Variants in SMOC2 observed in about 807,000 individuals in gnomAD.
SMOC2 encodes SPARC-related modular calcium-binding protein 2.
A neutral mutation model predicts 61.4 loss-of-function variants in SMOC2; 39 were observed. That is an observed-to-expected ratio of 0.64 (90% CI 0.49 to 0.83). The LOEUF is 0.83. Among genes scored for constraint, SMOC2 ranks in the 40% least tolerant of loss-of-function variants. The pLI, the probability that SMOC2 is intolerant of heterozygous loss-of-function variation, is 0.00. For synonymous variants in SMOC2, 247 were observed against 239.9 expected (o/e 1.03, Z -0.27); for missense variants, 556 against 592.9 (o/e 0.94, Z 0.65).
chr6:168,598,049 A>G (rs1785374820), intron 7 of SMOC2, among the ~76,000 whole-genome samples: 1 of 152,278 alleles, frequency 6.6e-6, no homozygotes, highest in Non-Finnish European at 1.5e-5. Flanking sequence ...AGTGAGTGTC[A>G]GTATTCATGT....
At chr6:168,519,129 G>A (rs1562567216) in intron 2 of SMOC2, among the ~76,000 whole-genome samples, 1 of 149,196 alleles carries the variant, frequency 6.7e-6, no homozygotes, top group Non-Finnish European at 1.5e-5. Context: ...GCATGCATGT[G>A]TATGTGTGCA....
At chr6:168,617,889 G>A (rs1481100325) in intron 9 of SMOC2, among the ~76,000 whole-genome samples, 2 of 152,198 alleles carry the variant, frequency 1.3e-5, no homozygotes, top group Admixed American at 6.5e-5. Context: ...TTGGAGAGGC[G>A]GGGGTCGCGT....
intron 4 of SMOC2, 64 bp from the exon 5 acceptor site, chr6:168,543,561 A>C: frequency 7.1e-7 from 1 of 1,417,140 alleles, no homozygotes; most frequent in Non-Finnish European, 9.9e-7. Context: ...TGCATAACTT[A>C]ATTTGTGATG....
intron 1 of SMOC2, among the ~76,000 whole-genome samples, chr6:168,448,332 G>A (rs1317071905): frequency 1.3e-5 from 2 of 152,096 alleles, no homozygotes; most frequent in African/African-American, 2.4e-5. Flanking sequence ...ATGGCACTGG[G>A]GAGGAGGATG....
intron 11 of SMOC2, among the ~76,000 whole-genome samples, chr6:168,656,408 G>A (rs1318672616): frequency 6.6e-6 from 1 of 150,992 alleles, no homozygotes; most frequent in African/African-American, 2.4e-5. Context: ...CTACTCCAGA[G>A]GCTGAGGCAC....
intron 1 of SMOC2, among the ~76,000 whole-genome samples, chr6:168,503,063 G>A (rs1420270018): frequency 3.4e-5 from 4 of 119,230 alleles, no homozygotes; most frequent in African/African-American, 1.0e-4. Context: ...GCCGTGCCTG[G>A]CCTTTTTTTT....
At chr6:168,543,161 A>G (rs1041394505) in intron 4 of SMOC2, among the ~76,000 whole-genome samples, 1 of 152,222 alleles carries the variant, frequency 6.6e-6, no homozygotes, top group Non-Finnish European at 1.5e-5. Flanking sequence ...TAGATTTTCA[A>G]TACTCTACCA....
intron 2 of SMOC2, among the ~76,000 whole-genome samples, chr6:168,522,570 C>A (rs1313270349): frequency 1.3e-5 from 2 of 152,154 alleles, no homozygotes; most frequent in Non-Finnish European, 2.9e-5. Flanking sequence ...CAACATCACG[C>A]TAAATGAAGG....
intron 12 of SMOC2, chr6:168,664,662 G>T: frequency 2.1e-6 from 1 of 465,632 alleles, no homozygotes. Context: ...CTCCAAAAGG[G>T]GCTTTCGGCT....
chr6:168,648,899 C>T (rs1307895584), intron 9 of SMOC2, among the ~76,000 whole-genome samples: 2 of 152,228 alleles, frequency 1.3e-5, no homozygotes, highest in African/African-American at 4.8e-5. Context: ...ACTGCATAAA[C>T]AGGCTGGTCT....
At chr6:168,570,145 G>A (rs911046223) in intron 7 of SMOC2, among the ~76,000 whole-genome samples, 4 of 151,454 alleles carry the variant, frequency 2.6e-5, no homozygotes, top group East Asian at 1.9e-4. Flanking sequence ...TGTGGGGGTC[G>A]GGGGAGGGCT....
At chr6:168,458,153 TGG>T (rs982180260) in intron 1 of SMOC2, among the ~76,000 whole-genome samples, 4 of 152,174 alleles carry the variant, frequency 2.6e-5, no homozygotes, top group African/African-American at 9.6e-5. Flanking sequence ...CTTCAGGGTG[TGG>T]GGACCGTTCC....
Position 168,573,882 on chromosome 6 carries a change from C to G in SMOC2, c.637+24679C>G, listed in dbSNP as rs574402066. 1.7e-3 allele frequency among the ~76,000 whole-genome samples: 264 copies of G among 152,334 alleles called. 2 individuals are homozygous for G. The highest frequency in any genetic ancestry group is 5.9e-3 in the African/African-American group (245 of 41,594). On this transcript the variant is annotated intron_variant, in intron 7 of 12. Transcript: ENST00000356284. ...AAAATAGAAGTCCCAGATCTTATCT[C>G]CAGTGACTGTCTTGGGTCACACGTC...
At chr6:168,649,817 C>T (rs982881598) in intron 9 of SMOC2, among the ~76,000 whole-genome samples, 4 of 152,318 alleles carry the variant, frequency 2.6e-5, no homozygotes, top group Admixed American at 1.3e-4. Flanking sequence ...CCTATGTTGT[C>T]CATTGTCCAT....
rs542716199 is a variant in SMOC2, at chr6:168,471,319, TATATGTAGAATC to T, written c.84+29868_84+29879del. ...TATTAATTCTGCTCTAAGTACCTCA[TATATGTAGAATC>T]ATGCAGTAGTGGTCTTTTTGTGACA... On this transcript the variant is annotated intron_variant, in intron 1 of 12. Transcript: ENST00000356284. Among the ~76,000 whole-genome samples the T allele has an allele frequency of 1.1e-4, 17 of 152,314 alleles. No homozygotes were observed. In the East Asian group the frequency reaches 3.1e-3, roughly 28 times the overall value.
At chr6:168,657,779 AAGAGAGAGAG>A (rs987306658) in intron 11 of SMOC2, among the ~76,000 whole-genome samples, 6 of 151,988 alleles carry the variant, frequency 3.9e-5, no homozygotes, top group Non-Finnish European at 8.8e-5. Flanking sequence ...GAGGGTGAGA[AAGAGAGAGAG>A]AGCAAGGGGG....
rs963670987 is a variant in SMOC2 at position 168,609,483 on chromosome 6, C to A, written c.907+1244C>A. 2.6e-5 allele frequency among the ~76,000 whole-genome samples: 4 copies of A among 152,272 alleles called. No homozygotes were observed. The East Asian group carries it at 7.7e-4, about 29-fold the overall frequency. ...ATCACGATGGTGCAAACACACCCGT[C>A]CCTGTGCATGCCTAGTGAAGGGTGT... On this transcript the variant is annotated intron_variant, in intron 9 of 12. Coordinates refer to ENST00000356284, the MANE Select transcript of SMOC2 (RefSeq NM_001166412.2).
chr6:168,639,174 G>A (rs6931143), intron 9 of SMOC2, among the ~76,000 whole-genome samples: 29,011 of 152,044 alleles, frequency 0.19, 3,467 homozygotes, highest in African/African-American at 0.33. Context: ...TCATTGAATC[G>A]TCATTGGAGC....
In SMOC2 at chr6:168,666,503, A is replaced by T; in HGVS notation, c.*65A>T. 1 of 1,563,660 alleles carries T rather than the reference A, an allele frequency of 6.4e-7. No individual in the cohort carries two copies. The highest frequency in any genetic ancestry group is 8.8e-7 in the Non-Finnish European group (1 of 1,136,776). On this transcript the variant is annotated 3_prime_UTR_variant, in exon 13 of 13. Coordinates refer to ENST00000356284, the MANE Select transcript of SMOC2 (RefSeq NM_001166412.2). ...AATTTCCCTCACCAAAGAGCAATTA[A>T]GAAAACAAAAACAGAAACACATAGT... is the stretch of plus-strand genomic sequence containing the variant.
Sources: allele counts gnomAD v4.1 joint callset (sites outside exome capture counted in the v4.1 genomes callset), GRCh38; gene constraint gnomAD v4.1.1; transcripts MANE v1.5; gene names NCBI Gene and HGNC (gene_info 2026-07-23, HGNC 2026-07-21).